Variants in COG4 observed in about 807,000 individuals in gnomAD.
COG4 encodes the protein component of oligomeric golgi complex 4, also known as conserved oligomeric Golgi complex subunit 4.
In COG4, 65 loss-of-function variants were observed where a neutral mutation model predicts 95.1. The observed-to-expected ratio is 0.68, with a 90% confidence interval of 0.56 to 0.84. The LOEUF is 0.84. Ranked by LOEUF, COG4 falls within the 40% of genes least tolerant of loss-of-function variation. The pLI, the probability that COG4 is intolerant of heterozygous loss-of-function variation, is 0.00. For synonymous variants in COG4, 421 were observed against 374.8 expected (o/e 1.12, Z -1.42); for missense variants, 1,045 against 989.1 (o/e 1.06, Z -0.76).
At chr16:70,515,668 G>C (rs920194241) in intron 3 of COG4, among the ~76,000 whole-genome samples, 10 of 151,670 alleles carry the variant, frequency 6.6e-5, no homozygotes, top group African/African-American at 2.4e-4. Context: ...GGGCAACAGA[G>C]TGAGACTCTG....
At chr16:70,515,418 G>A (rs769459455) in intron 3 of COG4, among the ~76,000 whole-genome samples, 23 of 152,166 alleles carry the variant, frequency 1.5e-4, no homozygotes, top group Admixed American at 3.3e-4. Flanking sequence ...AGGCGTGGTG[G>A]CTCACGCCTG....
At position 70,480,842 on chromosome 16, in the gene COG4, G is replaced by T; in HGVS notation, c.*168C>A. 1 of 757,972 alleles carries T rather than the reference G, an allele frequency of 1.3e-6. No homozygotes were observed. The highest frequency in any genetic ancestry group is 2.2e-6 in the Non-Finnish European group (1 of 456,464). 47.0% of individuals were successfully genotyped at this position (757,972 alleles called of 1,614,324 possible). The stretch of plus-strand genomic sequence containing the variant: ...CAGAGCATCACCTGGCCAGGTCTGA[G>T]GGCAGAGCATGGAGTGGGTCCAGAC... On this transcript the variant is annotated 3_prime_UTR_variant, in exon 19 of 19. Coordinates refer to ENST00000323786, the MANE Select transcript of COG4 (RefSeq NM_015386.3).
At chr16:70,506,320 G>A (rs9302615) in intron 8 of COG4, among the ~76,000 whole-genome samples, 18,271 of 151,278 alleles carry the variant, frequency 0.12, 3,628 homozygotes, top group African/African-American at 0.41. Context: ...GGAGAATGGC[G>A]TGAATCCAGG....
rs2049360171 is a variant in COG4, at chr16:70,497,340, C to G, written c.1362G>C (p.Met454Ile). ...TYEKGQLTSS[M>I]VDDVFYIVKK... ...TAACAATGTAGAAGACATCATCCAC[C>G]ATGCTGGATGTCAGCTGGCCCTTCT... Residue 454 changes from methionine to isoleucine, a missense_variant, in exon 11 of 19, where the codon ATG (methionine) becomes ATC (isoleucine). By Grantham distance (10) the Met-to-Ile change is conservative (BLOSUM62 1). Transcript: ENST00000323786. 1 of 1,614,028 alleles carries G rather than the reference C, an allele frequency of 6.2e-7. No individual in the cohort carries two copies. Among genetic ancestry groups the G allele is most frequent in the Non-Finnish European group, 8.5e-7 (1 of 1,180,018 alleles).
Position 70,519,634 on chromosome 16 carries a change from G to A in COG4, c.254+15C>T, listed in dbSNP as rs1451122561. 1.3e-6 allele frequency: 2 copies of A among 1,599,450 alleles called. No homozygotes were observed. Among genetic ancestry groups the A allele is most frequent in the Non-Finnish European group, 8.6e-7 (1 of 1,167,016 alleles). ...TGGAATTTACATTAGCTCTTGCTGA[G>A]ATGCACAGACTCACCCCATTCGGTG... On this transcript the variant is annotated intron_variant, in intron 2 of 18. Transcript: ENST00000323786.
intron 8 of COG4, among the ~76,000 whole-genome samples, chr16:70,503,123 T>A (rs1233745508): frequency 6.6e-6 from 1 of 152,196 alleles, no homozygotes; most frequent in African/African-American, 2.4e-5. Flanking sequence ...CAATCACAGC[T>A]CACTGCAGGC....
At chr16:70,514,159 A>G (rs557954726) in intron 4 of COG4, among the ~76,000 whole-genome samples, 176 bp downstream of exon 4, 1 of 152,252 alleles carries the variant, frequency 6.6e-6, no homozygotes, top group Non-Finnish European at 1.5e-5. Context: ...GCAGTAAGCC[A>G]AGATGGCACC....
intron 18 of COG4, 61 bp downstream of exon 18, chr16:70,481,298 G>A (rs2048985909): frequency 6.2e-7 from 1 of 1,607,984 alleles, no homozygotes. Context: ...GAAGTGGCGG[G>A]GATCCATCTT....
intron 12 of COG4, among the ~76,000 whole-genome samples, chr16:70,492,733 C>T (rs1227270498): frequency 4.6e-5 from 7 of 151,042 alleles, no homozygotes; most frequent in Non-Finnish European, 7.4e-5. Context: ...GAGGCTGAGA[C>T]GGGTGGATCA....
chr16:70,504,518 A>G (rs1405970870), intron 8 of COG4, among the ~76,000 whole-genome samples: 1 of 151,524 alleles, frequency 6.6e-6, no homozygotes, highest in African/African-American at 2.4e-5. Context: ...GAGGCACGAG[A>G]ACTGCTTGAT....
intron 12 of COG4, 112 bp downstream of exon 12, chr16:70,496,154 T>C: frequency 2.7e-6 from 3 of 1,107,396 alleles, no homozygotes; most frequent in Non-Finnish European, 2.7e-6. Context: ...TCCTTCTATA[T>C]AGACACTGGA....
intron 5 of COG4, among the ~76,000 whole-genome samples, chr16:70,511,133 G>A (rs1310627376): frequency 1.3e-5 from 2 of 152,166 alleles, no homozygotes; most frequent in African/African-American, 4.8e-5. Context: ...AAGGAACAAA[G>A]GAATATTCAG....
intron 12 of COG4, 27 bp downstream of exon 12, chr16:70,496,239 C>A (rs751308615): frequency 6.2e-7 from 1 of 1,613,678 alleles, no homozygotes; most frequent in Non-Finnish European, 8.5e-7. Flanking sequence ...ATAAACCAAC[C>A]CAGCTCGTGA....
Position 70,480,808 on chromosome 16 carries a change from T to G in COG4, c.*202A>C. The stretch of plus-strand genomic sequence containing the variant: ...GAGCCCGCTTCTCTCGGTGGGGAGA[T>G]GCTGCCCCCAGAGCATCACCTGGCC... On this transcript the variant is annotated 3_prime_UTR_variant, in exon 19 of 19. Transcript: ENST00000323786. 9 of 576,282 alleles carry G rather than the reference T, an allele frequency of 1.6e-5. No individual in the cohort carries two copies. The highest frequency in any genetic ancestry group is 2.4e-5 in the Non-Finnish European group (8 of 329,960). 35.7% of individuals were successfully genotyped at this position (576,282 alleles called of 1,614,324 possible). A position where few individuals can be genotyped will look rare whatever the true frequency, so the allele number is the denominator to read the frequency against.
intron 8 of COG4, among the ~76,000 whole-genome samples, chr16:70,506,656 T>C (rs1383922232): frequency 3.4e-5 from 4 of 116,148 alleles, no homozygotes; most frequent in African/African-American, 1.3e-4. Context: ...GTGACTGTAA[T>C]CCTAGCTAGT....
intron 12 of COG4, among the ~76,000 whole-genome samples, chr16:70,491,824 C>CAAAAA (rs772831502): frequency 1.2e-4 from 7 of 59,310 alleles, no homozygotes; most frequent in East Asian, 5.7e-4. Context: ...AACTACGTCT[C>CAAAAA]AAAAAAAAAA....
chr16:70,485,940 G>A (rs1352563650), intron 13 of COG4, among the ~76,000 whole-genome samples: 2 of 148,084 alleles, frequency 1.4e-5, no homozygotes, highest in African/African-American at 5.1e-5. Context: ...CTATAACCCA[G>A]GCTGGAGTGC....
chr16:70,512,315 C>G lies in COG4; in HGVS notation c.662G>C (p.Arg221Pro). The G allele has an allele frequency of 6.2e-7, 1 of 1,614,112 alleles. No homozygotes were observed. The highest frequency in any genetic ancestry group is 1.7e-5 in the Admixed American group (1 of 60,002). The change falls in exon 5 of 19, where the codon CGC becomes CCC. Residue 221 changes from arginine (R) to proline (P), a missense_variant. Arg to Pro is a moderately radical substitution (Grantham distance 103). Transcript: ENST00000323786. ...TKEGDLPQVE[R>P]FFKIFPLLGL... The stretch of plus-strand genomic sequence containing the variant: ...CAGCAGTGGGAAGATCTTGAAGAAG[C>G]GCTCCACCTGGGGCAGATCACCTTC...
At chr16:70,514,078 T>C (rs1309400448) in intron 4 of COG4, among the ~76,000 whole-genome samples, 1 of 152,028 alleles carries the variant, frequency 6.6e-6, no homozygotes, top group Non-Finnish European at 1.5e-5. Context: ...GGTGTGGTGG[T>C]GTGCACCTGT....
Sources: gnomAD v4.1 joint callset for allele counts (sites outside exome capture counted in the v4.1 genomes callset) on GRCh38, gnomAD v4.1.1 for gene constraint, MANE v1.5 for transcripts, NCBI Gene and HGNC (gene_info 2026-07-23, HGNC 2026-07-21) for gene names.